ICAM2: variants seen among roughly 807,000 people sequenced by gnomAD.
ICAM2 encodes the protein intercellular adhesion molecule 2, also known as ICAM-2.
ICAM2 carries 14 observed loss-of-function variants against 19.1 expected under a neutral mutation model. The observed-to-expected ratio is 0.73, with a 90% confidence interval of 0.48 to 1.15. ICAM2 has a LOEUF of 1.15. Ranked by LOEUF, ICAM2 falls within the 50% of genes most tolerant of loss-of-function variation. The probability of loss-of-function intolerance (pLI) is 0.00; values close to 1 mark genes in which losing one functional copy is unlikely to be tolerated. For synonymous variants in ICAM2, 153 were observed against 152.7 expected (o/e 1.00, Z -0.01); for missense variants, 311 against 355.4 (o/e 0.88, Z 1.00).
At chr17:64,009,702 C>T (rs1487993831) in intron 1 of ICAM2, among the ~76,000 whole-genome samples, 1 of 11,094 alleles carries the variant, frequency 9.0e-5, no homozygotes, top group South Asian at 0.083. Context: ...TCAGCATGCT[C>T]TCGACCTGCT....
intron 3 of ICAM2, 109 bp downstream of exon 3, chr17:64,004,998 G>T: frequency 7.8e-7 from 1 of 1,287,282 alleles, no homozygotes; most frequent in Non-Finnish European, 1.1e-6. Flanking sequence ...GGGAGGCAGG[G>T]CCCCACGATG....
rs187554883 is a variant in ICAM2, at chr17:64,018,290, C to T, written c.-45+2233G>A. ...CGGAGCTTGCAGTGAGCTGAGATCG[C>T]GACACTGCATTCCAGCCTGGGTGAC... On this transcript the variant is annotated intron_variant, in intron 1 of 4. Transcript: ENST00000579788. 2.2e-3 allele frequency among the ~76,000 whole-genome samples: 267 copies of T among 122,906 alleles called. 1 individual carries two copies. The highest frequency in any genetic ancestry group is 3.0e-3 in the Non-Finnish European group (190 of 63,512). 80.6% of individuals were successfully genotyped at this position (122,906 alleles called of 152,430 possible).
At chr17:64,015,335 T>C (rs1911679524) in intron 1 of ICAM2, among the ~76,000 whole-genome samples, 5 of 152,194 alleles carry the variant, frequency 3.3e-5, no homozygotes, top group Admixed American at 3.3e-4. Context: ...AACATAGGAA[T>C]TGAAGTAGAT....
chr17:64,013,077 C>T (rs1483516645), intron 1 of ICAM2, among the ~76,000 whole-genome samples: 1 of 152,136 alleles, frequency 6.6e-6, no homozygotes, highest in African/African-American at 2.4e-5. Context: ...CTTTGGGAGG[C>T]TGGGGCGAGT....
intron 1 of ICAM2, among the ~76,000 whole-genome samples, chr17:64,008,755 G>A (rs1567847504): frequency 6.6e-6 from 1 of 152,192 alleles, no homozygotes; most frequent in African/African-American, 2.4e-5. Flanking sequence ...CCAGAGGAAG[G>A]TTCTGGGGCC....
intron 1 of ICAM2, among the ~76,000 whole-genome samples, chr17:64,014,184 G>T (rs780391155): frequency 2.6e-5 from 4 of 151,618 alleles, no homozygotes; most frequent in East Asian, 1.9e-4. Context: ...TATTAGAAAA[G>T]AACTCTGGGC....
rs1911117661 is a variant in ICAM2 at position 64,005,140 on chromosome 17, G to C, written c.295C>G (p.Gln99Glu). 16 of 1,614,142 alleles carry C rather than the reference G, an allele frequency of 9.9e-6. No individual in the cohort carries two copies. Among genetic ancestry groups the C allele is most frequent in the Non-Finnish European group, 1.4e-5 (16 of 1,180,020 alleles). Residue 99 changes from glutamine to glutamate, a missense_variant, in exon 3 of 5, where the codon CAG becomes GAG. Gln to Glu is a conservative substitution (Grantham distance 29). Coordinates refer to ENST00000579788, the MANE Select transcript of ICAM2 (RefSeq NM_001099789.2). Reference protein sequence around the residue: ...LQCHFTCSGKQESMNSNVSVY... With the variant: ...LQCHFTCSGKEESMNSNVSVY... ...CTGACGTTGGAATTCATTGACTCCT[G>C]CTTCCCGGAGCAGGTGAAGTGGCAT...
At chr17:64,010,489 A>C (rs978073521) in intron 1 of ICAM2, among the ~76,000 whole-genome samples, 1 of 151,160 alleles carries the variant, frequency 6.6e-6, no homozygotes, top group African/African-American at 2.4e-5. Context: ...CTTTGGAAGG[A>C]TTATGCTCTG....
chr17:64,005,499 G>A (rs1205162758), intron 2 of ICAM2, 126 bp from the exon 3 acceptor site: 52 of 1,047,820 alleles, frequency 5.0e-5, no homozygotes, highest in Admixed American at 2.6e-4. Context: ...TGGGGACCCC[G>A]CTGCTACTTT....
intron 4 of ICAM2, 53 bp downstream of exon 4, chr17:64,003,584 TCCCCCGA>T: frequency 6.7e-7 from 1 of 1,500,268 alleles, no homozygotes; most frequent in Admixed American, 1.8e-5. Flanking sequence ...AGATTTTTCT[TCCCCCGA>T]GGGGCTGAAA....
intron 1 of ICAM2, among the ~76,000 whole-genome samples, chr17:64,013,516 A>T (rs866529847): frequency 6.6e-6 from 1 of 152,166 alleles, no homozygotes; most frequent in South Asian, 2.1e-4. Flanking sequence ...AGAAAAAAAA[A>T]ATACTAAAAC....
intron 1 of ICAM2, among the ~76,000 whole-genome samples, chr17:64,011,083 C>T (rs1911433038): frequency 6.6e-6 from 1 of 152,006 alleles, no homozygotes; most frequent in Non-Finnish European, 1.5e-5. Flanking sequence ...TTATTTAATG[C>T]CATATAATGT....
intron 1 of ICAM2, among the ~76,000 whole-genome samples, chr17:64,018,531 G>A (rs370765095): frequency 9.9e-5 from 15 of 151,728 alleles, no homozygotes; most frequent in East Asian, 5.8e-4. Flanking sequence ...TGGAGAGGCC[G>A]TAGGTTAATA....
Position 64,006,534 on chromosome 17 carries a change from T to C in ICAM2, c.61+97A>G, listed in dbSNP as rs1267331321. The C allele has an allele frequency of 3.9e-6, 4 of 1,030,428 alleles. No homozygotes were observed. The East Asian group carries it at 1.0e-4, about 26-fold the overall frequency. The allele number at this position is 1,030,428 out of a possible 1,614,324, so 63.8% of individuals were successfully genotyped here. A position where few individuals can be genotyped will look rare whatever the true frequency, so the allele number is the denominator to read the frequency against. ...AAAAACCTAAGAACCTCAGCAACTT[T>C]TGGGACTTCTCTTCCACCTGAAGCC... On this transcript the variant is annotated intron_variant, in intron 2 of 4. Coordinates refer to ENST00000579788, the MANE Select transcript of ICAM2 (RefSeq NM_001099789.2).
In ICAM2 at chr17:64,006,724, G is replaced by A. The variant is rs1911230778; in HGVS notation, c.-33C>T. Reference sequence around the variant, plus strand: ...AGTCTCCACGGGCTCGCAGGGACCAGCCAAGGGCTGCCTGGAGGGAGATGG... The same window carrying A: ...AGTCTCCACGGGCTCGCAGGGACCAACCAAGGGCTGCCTGGAGGGAGATGG... On this transcript the variant is annotated 5_prime_UTR_variant, in exon 2 of 5. Coordinates refer to ENST00000579788, the MANE Select transcript of ICAM2 (RefSeq NM_001099789.2). 1.2e-6 allele frequency: 2 copies of A among 1,605,666 alleles called. No individual in the cohort carries two copies. Among genetic ancestry groups the A allele is most frequent in the Non-Finnish European group, 1.7e-6 (2 of 1,172,518 alleles).
Position 64,005,246 on chromosome 17 carries a change from A to G in ICAM2, c.189T>C (p.Ser63=), listed in dbSNP as rs772075989. ...GTTCGTCCAGCAGAATCTTATCTAG[A>G]GAGGTCTCCAGACCACCCACTTCAG... is the stretch of plus-strand genomic sequence containing the variant. ...NQPEVGGLET[S]LDKILLDEQA... is the part of the protein sequence containing the mutation. The change falls in exon 3 of 5, where the codon TCT becomes TCC. Residue 63 remains serine, a synonymous_variant. Transcript: ENST00000579788. 1 of 1,614,144 alleles carries G rather than the reference A, an allele frequency of 6.2e-7. No homozygotes were observed. Among genetic ancestry groups the G allele is most frequent in the Admixed American group, 1.7e-5 (1 of 60,016 alleles).
chr17:64,010,605 C>G (rs1296205756), intron 1 of ICAM2, among the ~76,000 whole-genome samples: 1 of 148,368 alleles, frequency 6.7e-6, no homozygotes, highest in African/African-American at 2.5e-5. Context: ...CCAAAGTTAA[C>G]AAAAACAGAT....
intron 2 of ICAM2, 56 bp downstream of exon 2, chr17:64,006,575 C>A (rs1328698645): frequency 4.6e-6 from 7 of 1,507,978 alleles, no homozygotes; most frequent in African/African-American, 4.1e-5. Flanking sequence ...GAACAGGGCA[C>A]CCCCACCCTC....
intron 1 of ICAM2, among the ~76,000 whole-genome samples, chr17:64,011,750 T>C (rs535067451): frequency 3.9e-5 from 6 of 152,074 alleles, no homozygotes; most frequent in African/African-American, 1.2e-4. Flanking sequence ...ACAATAATAA[T>C]ACTTTTTAAA....
Sources: allele counts gnomAD v4.1 joint callset (sites outside exome capture counted in the v4.1 genomes callset), GRCh38; gene constraint gnomAD v4.1.1; transcripts MANE v1.5; gene names NCBI Gene and HGNC (gene_info 2026-07-23, HGNC 2026-07-21).